The following TMPRSS11E variants were observed in gnomAD, a reference collection of about 807,000 sequenced individuals.
TMPRSS11E encodes the protein transmembrane protease serine 11E.
Under a neutral mutation model 48.1 loss-of-function variants are expected in TMPRSS11E, and 38 were observed. That is an observed-to-expected ratio of 0.79 (90% CI 0.61 to 1.04). The LOEUF is 1.04. Ranked by LOEUF, TMPRSS11E falls within the 50% of genes least tolerant of loss-of-function variation. The pLI is 0.00. For missense variants in TMPRSS11E, 530 were observed against 510.8 expected (o/e 1.04, Z -0.36); for synonymous variants, 158 against 171.9 (o/e 0.92, Z 0.63).
At chr4:68,449,918 G>C (rs952930268) in intron 1 of TMPRSS11E, among the ~76,000 whole-genome samples, 5 of 151,814 alleles carry the variant, frequency 3.3e-5, no homozygotes, top group Non-Finnish European at 7.4e-5. Flanking sequence ...AGAAAGAGAG[G>C]ATAATTTCAG....
chr4:68,480,533 G>T (rs1453917752), intron 9 of TMPRSS11E, among the ~76,000 whole-genome samples: 1 of 151,380 alleles, frequency 6.6e-6, no homozygotes, highest in African/African-American at 2.4e-5. Flanking sequence ...CTTTTCCTTT[G>T]TTTTAAACAT....
chr4:68,475,634 G>T (rs981181124), intron 6 of TMPRSS11E, among the ~76,000 whole-genome samples: 1 of 152,138 alleles, frequency 6.6e-6, no homozygotes, highest in Non-Finnish European at 1.5e-5. Flanking sequence ...AATGGGACTA[G>T]GTGCATGAGA....
chr4:68,452,929 G>A (rs566683624), intron 1 of TMPRSS11E, among the ~76,000 whole-genome samples: 1 of 152,020 alleles, frequency 6.6e-6, no homozygotes, highest in Admixed American at 6.6e-5. Flanking sequence ...TCAAATCTCT[G>A]AATTGGATGG....
intron 9 of TMPRSS11E, among the ~76,000 whole-genome samples, chr4:68,479,717 C>T (rs530883843): frequency 6.6e-6 from 1 of 151,602 alleles, no homozygotes; most frequent in South Asian, 2.1e-4. Flanking sequence ...TTTGCTTCAA[C>T]TGTCAAATGT....
intron 8 of TMPRSS11E, among the ~76,000 whole-genome samples, chr4:68,478,335 G>T (rs1729296320): frequency 6.6e-6 from 1 of 150,730 alleles, no homozygotes; most frequent in African/African-American, 2.4e-5. Context: ...GTAGAGACAG[G>T]GTTTCACCAT....
chr4:68,479,233 C>T (rs972140347), intron 9 of TMPRSS11E, among the ~76,000 whole-genome samples: 2 of 152,078 alleles, frequency 1.3e-5, no homozygotes, highest in African/African-American at 4.8e-5. Context: ...TGTGTAACCA[C>T]CACTACAGTT....
chr4:68,463,892 C>T (rs374814231), intron 2 of TMPRSS11E, among the ~76,000 whole-genome samples: 2 of 152,176 alleles, frequency 1.3e-5, no homozygotes, highest in East Asian at 3.9e-4. Flanking sequence ...TTCCTAGTAA[C>T]ACTAGGGGCT....
At chr4:68,484,118 G>A (rs1164495502) in intron 9 of TMPRSS11E, among the ~76,000 whole-genome samples, 3 of 152,078 alleles carry the variant, frequency 2.0e-5, no homozygotes, top group Non-Finnish European at 4.4e-5. Context: ...TGGCTATTAA[G>A]GCTCTTTTTT....
chr4:68,482,823 T>A (rs1378550743), intron 9 of TMPRSS11E, among the ~76,000 whole-genome samples: 1 of 151,912 alleles, frequency 6.6e-6, no homozygotes, highest in African/African-American at 2.4e-5. Flanking sequence ...ATAAAGCAAT[T>A]CCCTTCCACC....
intron 1 of TMPRSS11E, among the ~76,000 whole-genome samples, chr4:68,448,313 C>A (rs1376329041): frequency 6.6e-6 from 1 of 151,798 alleles, no homozygotes; most frequent in Admixed American, 6.6e-5. Context: ...CATGGAAAAA[C>A]AGGTTCTGTC....
At chr4:68,452,489 C>T (rs1235174447) in intron 1 of TMPRSS11E, among the ~76,000 whole-genome samples, 1 of 151,914 alleles carries the variant, frequency 6.6e-6, no homozygotes, top group Non-Finnish European at 1.5e-5. Flanking sequence ...ATTACCATGA[C>T]TTTACAGCTA....
At chr4:68,470,757 G>C (rs1729043018) in intron 4 of TMPRSS11E, among the ~76,000 whole-genome samples, 1 of 151,816 alleles carries the variant, frequency 6.6e-6, no homozygotes. Context: ...ATGATTCCAA[G>C]GTAGTAATTC....
At chr4:68,468,141 AAG>A (rs1728973347) in intron 3 of TMPRSS11E, among the ~76,000 whole-genome samples, 1 of 152,164 alleles carries the variant, frequency 6.6e-6, no homozygotes, top group South Asian at 2.1e-4. Flanking sequence ...AAATGTAAGA[AAG>A]AATTAAAAGG....
rs758287390 is a variant in TMPRSS11E, at chr4:68,466,655, A to G, written c.161A>G (p.Tyr54Cys). Residue 54 changes from tyrosine to cysteine, a missense_variant, in exon 3 of 10, where the codon TAT becomes TGT. Physicochemically the swap from Tyr to Cys is radical, Grantham distance 194. Coordinates refer to ENST00000305363, the MANE Select transcript of TMPRSS11E (RefSeq NM_014058.4). Reference protein sequence around the residue: ...RYNQKKTYNYYSTLSFTTDKL... With the variant: ...RYNQKKTYNYCSTLSFTTDKL... Reference sequence around the variant, plus strand: ...GATCAAAAGAAGACCTACAATTACTATAGCACATTGTCATTTACAACTGAC... The same window carrying G: ...GATCAAAAGAAGACCTACAATTACTGTAGCACATTGTCATTTACAACTGAC... 12 of 1,613,324 alleles carry G rather than the reference A, an allele frequency of 7.4e-6. No individual in the cohort carries two copies. Among genetic ancestry groups the G allele is most frequent in the Admixed American group, 3.3e-5 (2 of 59,906 alleles).
chr4:68,459,801 G>A (rs1728737426), intron 1 of TMPRSS11E, among the ~76,000 whole-genome samples: 1 of 152,072 alleles, frequency 6.6e-6, no homozygotes, highest in African/African-American at 2.4e-5. Context: ...GATATTAGTT[G>A]AGAAACCCTT....
At chr4:68,449,242 G>C (rs1728429871) in intron 1 of TMPRSS11E, among the ~76,000 whole-genome samples, 1 of 151,468 alleles carries the variant, frequency 6.6e-6, no homozygotes, top group Non-Finnish European at 1.5e-5. Flanking sequence ...AGCATGAAGA[G>C]ATCAACACAT....
At chr4:68,456,366 G>A (rs1235537172) in intron 1 of TMPRSS11E, among the ~76,000 whole-genome samples, 1 of 151,972 alleles carries the variant, frequency 6.6e-6, no homozygotes, top group Non-Finnish European at 1.5e-5. Flanking sequence ...GATGCTATCA[G>A]ATACTTATAG....
At position 68,466,769 on chromosome 4, in the gene TMPRSS11E, C is replaced by G. The variant is rs1354250081; in HGVS notation, c.258+17C>G. 1 of 1,613,100 alleles carries G rather than the reference C, an allele frequency of 6.2e-7. No homozygotes were observed. The highest frequency in any genetic ancestry group is 8.5e-7 in the Non-Finnish European group (1 of 1,179,408). The stretch of plus-strand genomic sequence containing the variant: ...GAATCAATGGTAAGCAACTTGTCAT[C>G]TACTTCTAGTGCATTTGCTTTCACT... On this transcript the variant is annotated intron_variant, in intron 3 of 9. Transcript: ENST00000305363.
intron 1 of TMPRSS11E, among the ~76,000 whole-genome samples, chr4:68,448,250 G>C (rs1299180440): frequency 6.6e-6 from 1 of 151,662 alleles, no homozygotes; most frequent in Non-Finnish European, 1.5e-5. Flanking sequence ...TTTTTACTTT[G>C]AGAACAGTTT....
Sources: gnomAD v4.1 joint callset for allele counts (sites outside exome capture counted in the v4.1 genomes callset) on GRCh38, gnomAD v4.1.1 for gene constraint, MANE v1.5 for transcripts, NCBI Gene and HGNC (gene_info 2026-07-23, HGNC 2026-07-21) for gene names.